The following ERC1 variants were observed in gnomAD, a reference collection of about 807,000 sequenced individuals.
ERC1 encodes the protein RAB6 interacting protein 2.
In ERC1, 56 loss-of-function variants were observed where a neutral mutation model predicts 132.0. The observed-to-expected ratio is 0.42, with a 90% CI of 0.34 to 0.53. The LOEUF (loss-of-function observed/expected upper bound fraction) is 0.53, where lower values mean the gene tolerates loss of function less well. Among genes scored for constraint, ERC1 ranks in the 20% least tolerant of loss-of-function variants. The pLI is 0.03. For synonymous variants in ERC1, 478 were observed against 476.1 expected, an observed-to-expected ratio of 1.00 and a Z score of -0.05; for missense variants, 1,202 against 1,349.9, an observed-to-expected ratio of 0.89 and a Z score of 1.72.
chr12:1,040,057 A>G (rs1187300339), intron 2 of ERC1, among the ~76,000 whole-genome samples: 3 of 152,180 alleles, frequency 2.0e-5, no homozygotes, highest in Non-Finnish European at 4.4e-5. Flanking sequence ...AACTTCTACT[A>G]TTAGATGTCC....
At position 1,490,351 on chromosome 12, in the gene ERC1, A is replaced by C; in HGVS notation, c.*121A>C. The C allele has an allele frequency of 1.0e-6, 1 of 960,170 alleles. No homozygotes were observed. The highest frequency in any genetic ancestry group is 1.5e-6 in the Non-Finnish European group (1 of 655,688). The allele number at this position is 960,170 out of a possible 1,614,324, so 59.5% of individuals were successfully genotyped here. A position where few individuals can be genotyped will look rare whatever the true frequency, so the allele number is the denominator to read the frequency against. The stretch of plus-strand genomic sequence containing the variant: ...CTACAAACTTCATCCCAACTTGCTC[A>C]CTTGAAGAAGTGTGATTCCAGCACC... On this transcript the variant is annotated 3_prime_UTR_variant, in exon 19 of 19. Coordinates refer to ENST00000360905, the MANE Select transcript of ERC1 (RefSeq NM_178040.4).
intron 2 of ERC1, among the ~76,000 whole-genome samples, chr12:1,068,283 TC>T (rs1157848455): frequency 8.2e-6 from 1 of 122,158 alleles, no homozygotes; most frequent in African/African-American, 2.8e-5. Flanking sequence ...TTCAAGTTTT[TC>T]ATCTTTACCT....
At chr12:1,194,889 A>G (rs926232048) in intron 12 of ERC1, among the ~76,000 whole-genome samples, 1 of 125,580 alleles carries the variant, frequency 8.0e-6, no homozygotes, top group African/African-American at 3.1e-5. Context: ...GGAATTGTGG[A>G]TTTACTATAT....
intron 18 of ERC1, among the ~76,000 whole-genome samples, chr12:1,474,958 T>C (rs369223356): frequency 6.6e-6 from 1 of 152,196 alleles, no homozygotes; most frequent in South Asian, 2.1e-4. Flanking sequence ...GCTCTTGCAT[T>C]TGTGATTCTT....
chr12:1,139,359 AC>A (rs1362597684), intron 7 of ERC1, among the ~76,000 whole-genome samples: 1 of 152,090 alleles, frequency 6.6e-6, no homozygotes, highest in Non-Finnish European at 1.5e-5. Context: ...TGTTCACATA[AC>A]CCTTATTTTA....
chr12:1,451,460 T>C (rs1158249306), intron 18 of ERC1, among the ~76,000 whole-genome samples: 1 of 147,672 alleles, frequency 6.8e-6, no homozygotes, highest in Non-Finnish European at 1.5e-5. Context: ...AAAATTTAAA[T>C]TTAAATTTAA....
chr12:1,137,970 TATC>T (rs752363218), intron 7 of ERC1, among the ~76,000 whole-genome samples: 9,648 of 134,756 alleles, frequency 0.072, 603 homozygotes, highest in African/African-American at 0.15. Context: ...GATATAATAT[TATC>T]ATATATAGTA....
chr12:1,231,756 T>G (rs57990987), intron 12 of ERC1, among the ~76,000 whole-genome samples: 1 of 152,134 alleles, frequency 6.6e-6, no homozygotes, highest in Non-Finnish European at 1.5e-5. Context: ...AATTTTTTTT[T>G]TGAGACGGAG....
intron 7 of ERC1, among the ~76,000 whole-genome samples, chr12:1,122,229 ATCTCTATCTGTG>A (rs1947482819): frequency 2.2e-5 from 1 of 46,024 alleles, no homozygotes; most frequent in African/African-American, 1.3e-4. Flanking sequence ...CTCTATCTCT[ATCTCTATCTGTG>A]TCTCTATCTC....
chr12:1,165,372 C>T (rs536184547), intron 8 of ERC1, among the ~76,000 whole-genome samples: 4 of 151,590 alleles, frequency 2.6e-5, no homozygotes, highest in Non-Finnish European at 4.4e-5. Context: ...GTGGCGCGAT[C>T]TTGGCTCACT....
In ERC1 at chr12:1,492,085, T is replaced by TC; in HGVS notation, c.*1860dup. ...TAACTGACATGGTCAGATTTCCAGC[T>TC]CCCCCTACTCCCTGCTGTGAAACAA... On this transcript the variant is annotated 3_prime_UTR_variant, in exon 19 of 19. Transcript: ENST00000360905. 1 of 232,736 alleles carries TC rather than the reference T, an allele frequency of 4.3e-6. No individual in the cohort carries two copies. The highest frequency in any genetic ancestry group is 8.5e-6 in the Non-Finnish European group (1 of 117,788). The allele number at this position is 232,736 out of a possible 1,614,324, so 14.4% of individuals were successfully genotyped here.
At chr12:1,370,124 TA>T (rs2087052629) in intron 15 of ERC1, among the ~76,000 whole-genome samples, 1 of 152,244 alleles carries the variant, frequency 6.6e-6, no homozygotes, top group South Asian at 2.1e-4. Flanking sequence ...GCCACTTATA[TA>T]GTTCCTATAA....
chr12:1,413,528 A>C (rs2091955364), intron 17 of ERC1, among the ~76,000 whole-genome samples: 1 of 152,144 alleles, frequency 6.6e-6, no homozygotes, highest in Non-Finnish European at 1.5e-5. Context: ...TGGGGGGCAG[A>C]GGTTGCAGTG....
In ERC1 at chr12:1,287,736, G is replaced by A. The variant is rs550874755; in HGVS notation, c.2620-2116G>A. Among the ~76,000 whole-genome samples, 6 of 152,278 alleles carry A rather than the reference G, an allele frequency of 3.9e-5. No individual in the cohort carries two copies. In the East Asian group the frequency reaches 1.2e-3, roughly 29 times the overall value. ...GCTCTCCTGGCTTTTCAAGCCTTTG[G>A]ATTTGGGTTGGAACTATGCCACTGG... On this transcript the variant is annotated intron_variant, in intron 14 of 18. Transcript: ENST00000360905.
chr12:1,388,591 T>C (rs1480859948), intron 16 of ERC1, among the ~76,000 whole-genome samples: 1 of 152,128 alleles, frequency 6.6e-6, no homozygotes, highest in East Asian at 1.9e-4. Context: ...GACTTGCTCC[T>C]GTAGGGGATG....
intron 18 of ERC1, among the ~76,000 whole-genome samples, chr12:1,487,564 AC>A (rs1396186797): frequency 7.6e-6 from 1 of 132,134 alleles, no homozygotes; most frequent in Non-Finnish European, 1.7e-5. Flanking sequence ...AAAGAGAAAT[AC>A]AAAAATTAGC....
At chr12:1,463,697 C>CTG (rs57210462) in intron 18 of ERC1, among the ~76,000 whole-genome samples, 27,480 of 135,984 alleles carry the variant, frequency 0.2, 2,999 homozygotes, top group Non-Finnish European at 0.26. Context: ...GGTGCTAAGA[C>CTG]TGTGTGTGTG....
chr12:1,207,707 A>G (rs1382603167), intron 12 of ERC1, among the ~76,000 whole-genome samples: 1 of 152,204 alleles, frequency 6.6e-6, no homozygotes, highest in African/African-American at 2.4e-5. Flanking sequence ...TCATGCATTG[A>G]TAAATGGTAA....
In ERC1 at chr12:1,341,069, C is replaced by CTTTTTTTTTTTTTTTTTTTTTTTTTTTTT. The variant is rs35902573; in HGVS notation, c.2781-30750_2781-30722dup. Among the ~76,000 whole-genome samples, 92 of 63,142 alleles carry CTTTTTTTTTTTTTTTTTTTTTTTTTTTTT rather than the reference C, an allele frequency of 1.5e-3. 20 individuals carry two copies. Among genetic ancestry groups the CTTTTTTTTTTTTTTTTTTTTTTTTTTTTT allele is most frequent in the Admixed American group, 2.1e-3 (9 of 4,230 alleles). The allele number at this position is 63,142 out of a possible 152,430, so 41.4% of individuals were successfully genotyped here. On this transcript the variant is annotated intron_variant, in intron 15 of 18. Transcript: ENST00000360905. ...AATGTCCACTTATTCTTTTCTTTTT[C>CTTTTTTTTTTTTTTTTTTTTTTTTTTTTT]TTTTTTTTTTTTTTTTTTTTTTTTT...
Sources: gnomAD v4.1 joint callset for allele counts (sites outside exome capture counted in the v4.1 genomes callset) on GRCh38, gnomAD v4.1.1 for gene constraint, MANE v1.5 for transcripts, NCBI Gene and HGNC (gene_info 2026-07-23, HGNC 2026-07-21) for gene names.